The following GALNT13 variants were observed in gnomAD, a reference collection of about 807,000 sequenced individuals.
The protein encoded by GALNT13 is polypeptide N-acetylgalactosaminyltransferase 13.
Under a neutral mutation model 64.2 loss-of-function variants are expected in GALNT13, and 28 were observed. The ratio of observed to expected loss-of-function variants is 0.44; its 90% confidence interval spans 0.32 to 0.60. GALNT13 has a LOEUF of 0.60. Among genes scored for constraint, GALNT13 ranks in the 20% least tolerant of loss-of-function variants. GALNT13 has a pLI of 0.05. For synonymous variants in GALNT13, 214 were observed against 224.6 expected (o/e 0.95, Z 0.42); for missense variants, 577 against 669.8 (o/e 0.86, Z 1.53).
the GALNT13 span, among the ~76,000 whole-genome samples, chr2:153,127,784 CT>C: frequency 1.2e-4 from 19 of 152,210 alleles, no homozygotes; most frequent in East Asian, 3.5e-3. Flanking sequence ...TTTCCCTAGG[CT>C]TTGGTAGTTT....
chr2:153,120,076 T>C, the GALNT13 span, among the ~76,000 whole-genome samples: 1 of 152,160 alleles, frequency 6.6e-6, no homozygotes, highest in Non-Finnish European at 1.5e-5. Flanking sequence ...TAAACAAAGT[T>C]TTGAGTGTGT....
At chr2:154,279,623 A>T (rs1691848701) in intron 8 of GALNT13, among the ~76,000 whole-genome samples, 1 of 152,152 alleles carries the variant, frequency 6.6e-6, no homozygotes, top group South Asian at 2.1e-4. Flanking sequence ...TGTACCAAGG[A>T]AATTATCTTT....
chr2:153,184,285 T>G, the GALNT13 span, among the ~76,000 whole-genome samples: 1 of 152,136 alleles, frequency 6.6e-6, no homozygotes, highest in Non-Finnish European at 1.5e-5. Flanking sequence ...CTGTTGTTGG[T>G]GTATAGGAAA....
chr2:153,404,674 C>A, the GALNT13 span, among the ~76,000 whole-genome samples: 23 of 152,006 alleles, frequency 1.5e-4, no homozygotes, highest in African/African-American at 4.4e-4. Context: ...TGACGGATAC[C>A]ACTTCAGGAT....
At chr2:153,828,215 C>T in the GALNT13 span, among the ~76,000 whole-genome samples, 3 of 152,206 alleles carry the variant, frequency 2.0e-5, no homozygotes, top group Non-Finnish European at 4.4e-5. Context: ...TGGAGAATGG[C>T]GATGGGCCTC....
chr2:154,207,044 A>G (rs1223200639), intron 4 of GALNT13, among the ~76,000 whole-genome samples: 1 of 152,090 alleles, frequency 6.6e-6, no homozygotes, highest in Non-Finnish European at 1.5e-5. Flanking sequence ...TCCATGTTCC[A>G]CACTGCTACC....
At chr2:153,408,909 C>T in the GALNT13 span, among the ~76,000 whole-genome samples, 1 of 152,046 alleles carries the variant, frequency 6.6e-6, no homozygotes, top group African/African-American at 2.4e-5. Context: ...TCTGGGTGGA[C>T]ACCATCCCCT....
At chr2:154,341,899 A>G (rs968389610) in intron 9 of GALNT13, among the ~76,000 whole-genome samples, 3 of 152,110 alleles carry the variant, frequency 2.0e-5, no homozygotes, top group Non-Finnish European at 4.4e-5. Flanking sequence ...TATTCGAGAT[A>G]TATTTCCCAA....
the GALNT13 span, among the ~76,000 whole-genome samples, chr2:153,530,174 AATTG>A: frequency 6.6e-6 from 1 of 152,090 alleles, no homozygotes; most frequent in South Asian, 2.1e-4. Flanking sequence ...AAACTATTAG[AATTG>A]ATTAACAAAT....
chr2:153,312,992 C>A, the GALNT13 span, among the ~76,000 whole-genome samples: 1 of 152,124 alleles, frequency 6.6e-6, no homozygotes, highest in East Asian at 1.9e-4. Context: ...AGGGACACAG[C>A]AATTCTCCAC....
At chr2:153,317,695 ATAAAACCACC>A in the GALNT13 span, among the ~76,000 whole-genome samples, 2 of 152,172 alleles carry the variant, frequency 1.3e-5, no homozygotes, top group South Asian at 4.1e-4. Context: ...TAAAGTGTGA[ATAAAACCACC>A]TTGTTTGATA....
the GALNT13 span, among the ~76,000 whole-genome samples, chr2:153,680,872 A>T: frequency 6.6e-6 from 1 of 151,958 alleles, no homozygotes; most frequent in African/African-American, 2.4e-5. Context: ...TCACATAATT[A>T]AAACAAAGGT....
intron 4 of GALNT13, among the ~76,000 whole-genome samples, chr2:154,189,011 AC>A (rs1454979405): frequency 2.0e-5 from 3 of 152,316 alleles, no homozygotes; most frequent in African/African-American, 4.8e-5. Context: ...ACATAAAAAA[AC>A]GGGCTTAATA....
the GALNT13 span, among the ~76,000 whole-genome samples, chr2:153,659,750 A>G: frequency 1.3e-5 from 2 of 152,132 alleles, no homozygotes; most frequent in African/African-American, 4.8e-5. Context: ...CTCTGAGCGC[A>G]CTGCCTATAA....
At chr2:154,356,930 C>G (rs1021573593) in intron 9 of GALNT13, among the ~76,000 whole-genome samples, 5 of 151,772 alleles carry the variant, frequency 3.3e-5, no homozygotes, top group African/African-American at 1.2e-4. Flanking sequence ...TTAGGAAAAG[C>G]TTTTGGTTGT....
chr2:153,524,202 A>G, the GALNT13 span, among the ~76,000 whole-genome samples: 1 of 152,192 alleles, frequency 6.6e-6, no homozygotes, highest in South Asian at 2.1e-4. Context: ...TGTTGAACTC[A>G]ATAACTGATA....
chr2:153,350,670 A>C, the GALNT13 span, among the ~76,000 whole-genome samples: 1 of 152,108 alleles, frequency 6.6e-6, no homozygotes. Context: ...GATGTGAGCC[A>C]CCACACCTGG....
chr2:153,630,785 A>G, the GALNT13 span, among the ~76,000 whole-genome samples: 1 of 10,418 alleles, frequency 9.6e-5, no homozygotes, highest in Admixed American at 1.1e-3. Context: ...ATATATATAT[A>G]TATATATATA....
intron 4 of GALNT13, among the ~76,000 whole-genome samples, chr2:154,228,653 T>C (rs779912236): frequency 6.6e-6 from 1 of 152,162 alleles, no homozygotes. Flanking sequence ...GTCTCAAATC[T>C]ATTTCCCTAA....
Sources: gnomAD v4.1 joint callset for allele counts (sites outside exome capture counted in the v4.1 genomes callset) on GRCh38, gnomAD v4.1.1 for gene constraint, MANE v1.5 for transcripts, NCBI Gene and HGNC (gene_info 2026-07-23, HGNC 2026-07-21) for gene names.